The following CDC25B variants were observed in gnomAD, a reference collection of about 807,000 sequenced individuals.
The protein encoded by CDC25B is cell division cycle 25B, also known as M-phase inducer phosphatase 2.
In CDC25B, 33 loss-of-function variants were observed where a neutral mutation model predicts 69.8. The observed-to-expected ratio is 0.47, with a 90% CI of 0.36 to 0.63. The LOEUF (loss-of-function observed/expected upper bound fraction) is 0.63. CDC25B is among the 30% of genes least tolerant of loss of function. The probability of loss-of-function intolerance (pLI) is 0.00; values close to 1 mark genes in which losing one functional copy is unlikely to be tolerated. For missense variants in CDC25B, 727 were observed against 809.1 expected, an observed-to-expected ratio of 0.90 and a Z score of 1.23; for synonymous variants, 341 against 314.6, an observed-to-expected ratio of 1.08 and a Z score of -0.89.
rs537827811 is a variant in CDC25B, at chr20:3,805,533, A to G, written c.*572A>G. 5.0e-4 allele frequency: 186 copies of G among 375,094 alleles called. No homozygotes were observed. Among genetic ancestry groups the G allele is most frequent in the African/African-American group, 3.4e-3 (163 of 48,196 alleles). The allele number at this position is 375,094 out of a possible 1,614,324, so 23.2% of individuals were successfully genotyped here. A position where few individuals can be genotyped will look rare whatever the true frequency, so the allele number is the denominator to read the frequency against. On this transcript the variant is annotated 3_prime_UTR_variant, in exon 16 of 16. Transcript: ENST00000245960. ...TGAACAGAAGCTCTTACTCTTTCCTATTTCAGTGTTACCTGTGTGCTTGGT... is the reference window on the plus strand; with the variant it reads ...TGAACAGAAGCTCTTACTCTTTCCTGTTTCAGTGTTACCTGTGTGCTTGGT...
rs1168563917 is a variant in CDC25B at position 3,803,653 on chromosome 20, C to T, written c.1490+116C>T. 2 of 1,320,148 alleles carry T rather than the reference C, an allele frequency of 1.5e-6. No homozygotes were observed. Among genetic ancestry groups the T allele is most frequent in the Non-Finnish European group, 2.1e-6 (2 of 946,010 alleles). 81.8% of individuals were successfully genotyped at this position (1,320,148 alleles called of 1,614,324 possible). On this transcript the variant is annotated intron_variant, in intron 14 of 15. Coordinates refer to ENST00000245960, the MANE Select transcript of CDC25B (RefSeq NM_021873.4). This position sits in a 1 kb window ranked among gnomAD's most constrained non-coding sequence, Gnocchi z 4.9. ...GTGCAAGTCCAGGTCCTCCTCTGTC[C>T]CATCTGATGGCCTAGAGCTGACCTC...
upstream of CDC25B, chr20:3,796,235 C>G (rs1414696186): frequency 1.7e-5 from 22 of 1,298,028 alleles, no homozygotes; most frequent in Admixed American, 4.2e-5. Context: ...ACCCGCTACC[C>G]CATTGGTGGC....
rs1157911265 is a variant in CDC25B, at chr20:3,796,406, T to TCCCC, written c.-123_-122insCCCC. ...TCGCGCCTGGCCCTGTGGCTCTTCC[T>TCCCC]CCCTCCCTCCTTCCCCCCCCCCCCA... On this transcript the variant is annotated 5_prime_UTR_variant, in exon 1 of 16. Coordinates refer to ENST00000245960, the MANE Select transcript of CDC25B (RefSeq NM_021873.4). The TCCCC allele has an allele frequency of 3.5e-5, 12 of 338,154 alleles. No homozygotes were observed. Among genetic ancestry groups the TCCCC allele is most frequent in the Admixed American group, 7.1e-4 (1 of 1,402 alleles). 20.9% of individuals were successfully genotyped at this position (338,154 alleles called of 1,614,324 possible). A position where few individuals can be genotyped will look rare whatever the true frequency, so the allele number is the denominator to read the frequency against.
intron 9 of CDC25B, 28 bp downstream of exon 9, chr20:3,801,830 A>G (rs2089293011): frequency 3.2e-6 from 5 of 1,586,482 alleles, no homozygotes; most frequent in African/African-American, 1.3e-5. Context: ...CCCCCTCCGA[A>G]TTTGGAGGCA....
chr20:3,800,669 AAGGT>A, intron 5 of CDC25B, 70 bp from the exon 6 acceptor site: 2 of 1,597,740 alleles, frequency 1.3e-6, no homozygotes, highest in Non-Finnish European at 1.7e-6. Flanking sequence ...AGAGGTGGAG[AAGGT>A]AGGGCCTGGG....
In CDC25B at chr20:3,803,254, G is replaced by A; in HGVS notation, c.1356+48G>A. On this transcript the variant is annotated intron_variant, in intron 13 of 15. Coordinates refer to ENST00000245960, the MANE Select transcript of CDC25B (RefSeq NM_021873.4). This position sits in a 1 kb window ranked among gnomAD's most constrained non-coding sequence, Gnocchi z 4.9. The stretch of plus-strand genomic sequence containing the variant: ...GGCCCTGAAGATCCCACCTGGTTTA[G>A]GTCCTTGCTTTGCCAAGAGGGTGAA... 1 of 1,578,582 alleles carries A rather than the reference G, an allele frequency of 6.3e-7. No individual in the cohort carries two copies. Among genetic ancestry groups the A allele is most frequent in the Non-Finnish European group, 8.7e-7 (1 of 1,151,244 alleles).
chr20:3,798,337 T>TTTA, intron 2 of CDC25B, 75 bp from the exon 3 acceptor site: 1 of 594,244 alleles, frequency 1.7e-6, no homozygotes, highest in Non-Finnish European at 2.6e-6. Flanking sequence ...TTTTTTTTTT[T>TTTA]CATATTGGGA....
upstream of CDC25B, among the ~76,000 whole-genome samples, chr20:3,792,796 C>T (rs1306107282): frequency 6.6e-6 from 1 of 152,124 alleles, no homozygotes; most frequent in Non-Finnish European, 1.5e-5. Context: ...GGGGCCACCA[C>T]ACCGGGCTAA....
At chr20:3,788,385 G>A (rs1600371632) in intron 1 of CDC25B, among the ~76,000 whole-genome samples, 1 of 152,174 alleles carries the variant, frequency 6.6e-6, no homozygotes, top group African/African-American at 2.4e-5. Flanking sequence ...CTCTTTACAT[G>A]CTCTGAAGAA....
chr20:3,788,031 G>A (rs1036672479), intron 1 of CDC25B, among the ~76,000 whole-genome samples: 4 of 152,098 alleles, frequency 2.6e-5, no homozygotes, highest in Non-Finnish European at 5.9e-5. Flanking sequence ...CAGCTATTCG[G>A]GAGGCTGAGG....
In CDC25B at chr20:3,796,502, T is replaced by A; in HGVS notation, c.-30T>A. The A allele has an allele frequency of 7.0e-7, 1 of 1,421,724 alleles. No homozygotes were observed. The highest frequency in any genetic ancestry group is 1.3e-5 in the South Asian group (1 of 77,196). 88.1% of individuals were successfully genotyped at this position (1,421,724 alleles called of 1,614,324 possible). ...TTGTTGGCTGCCCTGCGCCCGGCCC[T>A]CCAGCCAGCCTTCTGCCGGCCCCGC... On this transcript the variant is annotated 5_prime_UTR_variant, in exon 1 of 16. Coordinates refer to ENST00000245960, the MANE Select transcript of CDC25B (RefSeq NM_021873.4).
rs1263651599 is a variant in CDC25B at position 3,802,071 on chromosome 20, C to T, written c.1069C>T (p.Pro357Ser). The T allele has an allele frequency of 4.5e-6, 7 of 1,559,606 alleles. No individual in the cohort carries two copies. The highest frequency in any genetic ancestry group is 5.2e-6 in the Non-Finnish European group (6 of 1,151,424). ...TAAGCGGAGGCGGAGCGTGACCCCT[C>T]CTGAGGAGCAGCAGGAGGCTGAGGA... ...QNKRRRSVTPPEEQQEAEEPK... is the reference protein window; with the variant it reads ...QNKRRRSVTPSEEQQEAEEPK... Residue 357 changes from proline (P) to serine (S), a missense_variant, in exon 10 of 16, where the codon CCT becomes TCT. By Grantham distance (74) the Pro-to-Ser change is moderately conservative. Around this residue, in one of 2 missense-constraint regions of CDC25B, gnomAD observed 359 missense variants for 463.4 expected, o/e 0.77. Coordinates refer to ENST00000245960, the MANE Select transcript of CDC25B (RefSeq NM_021873.4).
In CDC25B at chr20:3,803,508, T is replaced by C; in HGVS notation, c.1461T>C (p.Cys487=). 2.5e-6 allele frequency: 4 copies of C among 1,614,050 alleles called. No homozygotes were observed. Among genetic ancestry groups the C allele is most frequent in the African/African-American group, 2.7e-5 (2 of 75,018 alleles). The change falls in exon 14 of 16, where the codon TGT becomes TGC. Residue 487 remains cysteine (C), a synonymous_variant. Transcript: ENST00000245960. This position sits in a 1 kb window ranked among gnomAD's most constrained non-coding sequence, Gnocchi z 4.9. The part of the protein sequence containing the change: ...LDKRVILIFH[C]EFSSERGPRM... Reference sequence around the variant, plus strand: ...AGAGAGTCATCCTCATTTTCCACTGTGAATTCTCATCTGAGCGTGGGCCCC... The same window carrying C: ...AGAGAGTCATCCTCATTTTCCACTGCGAATTCTCATCTGAGCGTGGGCCCC...
rs368697612 is a variant in CDC25B, at chr20:3,802,986, C to T, written c.1257+14C>T. On this transcript the variant is annotated intron_variant, in intron 12 of 15. Coordinates refer to ENST00000245960, the MANE Select transcript of CDC25B (RefSeq NM_021873.4). The stretch of plus-strand genomic sequence containing the variant: ...TCACCAGAAACGGTAAACAGCGTTG[C>T]GTCATTTTCTAGGCAGATTTGGGAC... 303 of 1,612,256 alleles carry T rather than the reference C, an allele frequency of 1.9e-4. No individual in the cohort carries two copies. Among genetic ancestry groups the T allele is most frequent in the Non-Finnish European group, 2.4e-4 (282 of 1,178,388 alleles).
chr20:3,800,380 G>C (rs1449130933), intron 4 of CDC25B, 51 bp downstream of exon 4: 1 of 1,612,870 alleles, frequency 6.2e-7, no homozygotes, highest in South Asian at 1.1e-5. Flanking sequence ...CCTTAGGACA[G>C]GGCTCCAGAA....
At chr20:3,799,525 T>C (rs6076553) in intron 3 of CDC25B, among the ~76,000 whole-genome samples, 16,031 of 67,634 alleles carry the variant, frequency 0.24, 1,356 homozygotes, top group African/African-American at 0.43. Context: ...TGTGTGTGTG[T>C]GCGCGCGCGC....
In CDC25B at chr20:3,802,366, A is replaced by T; in HGVS notation, c.1184A>T (p.Asp395Val). ...AGTGACCACCGAGAGCTGATTGGAG[A>T]TTACTCTAAGGTACCTGCAGCAGCG... ...LDSDHRELIG[D>V]YSKAFLLQTV... is the part of the protein sequence containing the mutation. Residue 395 changes from aspartate to valine, a missense_variant, in exon 11 of 16, where the codon GAT becomes GTT. Asp to Val is a radical substitution (Grantham distance 152). Coordinates refer to ENST00000245960, the MANE Select transcript of CDC25B (RefSeq NM_021873.4). 4 of 1,605,284 alleles carry T rather than the reference A, an allele frequency of 2.5e-6. No individual in the cohort carries two copies. The highest frequency in any genetic ancestry group is 3.4e-6 in the Non-Finnish European group (4 of 1,178,616).
chr20:3,802,458 T>C (rs1224304200), intron 11 of CDC25B, 82 bp downstream of exon 11: 1 of 895,884 alleles, frequency 1.1e-6, no homozygotes, highest in Non-Finnish European at 1.8e-6. Context: ...GCTGCTTGGG[T>C]TCCTCCCTTT....
intron 1 of CDC25B, chr20:3,787,203 A>T (rs1311979855): frequency 3.1e-6 from 2 of 635,336 alleles, no homozygotes; most frequent in African/African-American, 1.9e-5. Context: ...CTTTTTAAAA[A>T]TTTATTATAT....
Sources: allele counts gnomAD v4.1 joint callset (sites outside exome capture counted in the v4.1 genomes callset), GRCh38; gene constraint gnomAD v4.1.1; regional missense constraint gnomAD v4.1.1; non-coding constraint Gnocchi (gnomAD v3.1); transcripts MANE v1.5; gene names NCBI Gene and HGNC (gene_info 2026-07-23, HGNC 2026-07-21).